SLC1A2: variants seen among roughly 807,000 people sequenced by gnomAD.
SLC1A2 encodes the protein solute carrier family 1 member 2.
SLC1A2 carries 15 observed loss-of-function variants against 48.8 expected under a neutral mutation model. The ratio of observed to expected loss-of-function variants is 0.31; its 90% CI spans 0.21 to 0.47. The LOEUF (loss-of-function observed/expected upper bound fraction) is 0.47, where lower values mean the gene tolerates loss of function less well. SLC1A2 is among the 20% of genes least tolerant of loss of function. The pLI, the probability that SLC1A2 is intolerant of heterozygous loss-of-function variation, is 0.99. For synonymous variants in SLC1A2, 279 were observed against 272.6 expected (o/e 1.02, Z -0.23); for missense variants, 502 against 730.5 (o/e 0.69, Z 3.61).
rs72148859 is a variant in SLC1A2 at position 35,258,943 on chromosome 11, TAAAAAAAAA to T, written c.*1942_*1950del. The stretch of plus-strand genomic sequence containing the variant: ...CTGAGCAACAGAGCAAGACTCTGTC[TAAAAAAAAA>T]AAAAAAAAAAGAATGCATTTTCTAC... On this transcript the variant is annotated 3_prime_UTR_variant, in exon 11 of 11. Coordinates refer to ENST00000278379, the MANE Select transcript of SLC1A2 (RefSeq NM_004171.4). 1 of 120,846 alleles carries T rather than the reference TAAAAAAAAA, an allele frequency of 8.3e-6. No individual in the cohort carries two copies. Among genetic ancestry groups the T allele is most frequent in the East Asian group, 2.3e-4 (1 of 4,300 alleles). The allele number at this position is 120,846 out of a possible 1,614,324, so 7.5% of individuals were successfully genotyped here.
At chr11:35,401,435 A>G (rs1855137562) in intron 1 of SLC1A2, among the ~76,000 whole-genome samples, 1 of 152,138 alleles carries the variant, frequency 6.6e-6, no homozygotes, top group Non-Finnish European at 1.5e-5. Context: ...CTTTTTTGTC[A>G]GTCTTAAGGT....
At chr11:35,265,938 G>A (rs979388945) in intron 9 of SLC1A2, among the ~76,000 whole-genome samples, 180 bp from the exon 10 acceptor site, 1 of 152,202 alleles carries the variant, frequency 6.6e-6, no homozygotes, top group African/African-American at 2.4e-5. Flanking sequence ...GTCAGTTGGA[G>A]GTGATGCTTA....
chr11:35,417,703 GACAAGAT>G (rs1855652726), intron 1 of SLC1A2, among the ~76,000 whole-genome samples: 1 of 152,190 alleles, frequency 6.6e-6, no homozygotes. Flanking sequence ...TTCATGCAAT[GACAAGAT>G]GCCAGATGCC....
intron 1 of SLC1A2, chr11:35,390,780 C>A: frequency 6.6e-6 from 1 of 152,034 alleles, no homozygotes; most frequent in Non-Finnish European, 1.5e-5. Context: ...ATTCTCCTGC[C>A]TCAGTCTCCA....
intron 7 of SLC1A2, among the ~76,000 whole-genome samples, chr11:35,287,389 T>C (rs532972513): frequency 6.6e-5 from 10 of 152,082 alleles, no homozygotes; most frequent in African/African-American, 2.4e-4. Context: ...ATGCTAGAAA[T>C]GCTGTTTCCG....
At chr11:35,319,170 G>A (rs1001631247) in intron 1 of SLC1A2, among the ~76,000 whole-genome samples, 2 of 152,184 alleles carry the variant, frequency 1.3e-5, no homozygotes, top group African/African-American at 4.8e-5. Context: ...GCAGTTGGGT[G>A]AGGGCCTTTC....
chr11:35,262,513 G>A (rs752006332), intron 10 of SLC1A2, among the ~76,000 whole-genome samples: 6 of 152,226 alleles, frequency 3.9e-5, no homozygotes, highest in South Asian at 4.1e-4. Flanking sequence ...GGCATTGGCA[G>A]CAAGCGCTGA....
chr11:35,301,697 T>TTTCTCCCTCATTCTTTACCATTCCC, intron 5 of SLC1A2, 52 bp from the exon 6 acceptor site: 1 of 1,573,464 alleles, frequency 6.4e-7, no homozygotes, highest in Admixed American at 1.7e-5. Context: ...AAATGTACTT[T>TTTCTCCCTCATTCTTTACCATTCCC]TTCTCCCTCA....
chr11:35,398,086 A>G (rs1312446383), intron 1 of SLC1A2, among the ~76,000 whole-genome samples: 1 of 152,204 alleles, frequency 6.6e-6, no homozygotes, highest in Non-Finnish European at 1.5e-5. Flanking sequence ...CCTCAGGATA[A>G]CAAGGGGACT....
chr11:35,368,233 A>G (rs1162956698), intron 1 of SLC1A2, among the ~76,000 whole-genome samples: 1 of 152,238 alleles, frequency 6.6e-6, no homozygotes, highest in Admixed American at 6.5e-5. Context: ...GTAAAGCTAT[A>G]TGATTTCCCT....
chr11:35,325,780 T>C (rs1852223664), intron 1 of SLC1A2, among the ~76,000 whole-genome samples: 1 of 151,850 alleles, frequency 6.6e-6, no homozygotes. Context: ...CTGGCCAACA[T>C]AGTGAAACCC....
At chr11:35,389,371 G>A (rs1050478159) in intron 1 of SLC1A2, among the ~76,000 whole-genome samples, 5 of 151,060 alleles carry the variant, frequency 3.3e-5, no homozygotes, top group Non-Finnish European at 5.9e-5. Flanking sequence ...CCTCATTCTC[G>A]TTCCAAAACT....
At chr11:35,292,987 G>GAC (rs1404048028) in intron 6 of SLC1A2, among the ~76,000 whole-genome samples, 3 of 101,234 alleles carry the variant, frequency 3.0e-5, no homozygotes, top group Admixed American at 1.1e-4. Flanking sequence ...ATGAGAGAGA[G>GAC]ACAGAGAGAG....
intron 4 of SLC1A2, among the ~76,000 whole-genome samples, chr11:35,310,752 C>A (rs1851661596): frequency 6.6e-6 from 1 of 152,048 alleles, no homozygotes; most frequent in South Asian, 2.1e-4. Flanking sequence ...CCTATGCTGG[C>A]CTTGGGGCTA....
intron 9 of SLC1A2, among the ~76,000 whole-genome samples, chr11:35,268,761 C>T (rs1850180683): frequency 6.6e-6 from 1 of 152,096 alleles, no homozygotes; most frequent in Non-Finnish European, 1.5e-5. Flanking sequence ...TAATATTATT[C>T]GTATTTACTA....
intron 1 of SLC1A2, among the ~76,000 whole-genome samples, chr11:35,326,043 C>A (rs1852239096): frequency 6.6e-6 from 1 of 151,368 alleles, no homozygotes; most frequent in South Asian, 2.1e-4. Flanking sequence ...AGCATCACAG[C>A]AGGTCTGGTT....
intron 1 of SLC1A2, among the ~76,000 whole-genome samples, chr11:35,333,396 G>A (rs915171961): frequency 6.8e-6 from 1 of 146,742 alleles, no homozygotes; most frequent in Non-Finnish European, 1.5e-5. Context: ...CAGCCTGGGT[G>A]ACAGAATGAG....
chr11:35,402,242 A>G (rs1420842336), intron 1 of SLC1A2, among the ~76,000 whole-genome samples: 1 of 152,198 alleles, frequency 6.6e-6, no homozygotes, highest in Admixed American at 6.5e-5. Context: ...TAAGGATTAG[A>G]ACTTTCAGTG....
At chr11:35,410,620 T>C (rs140935298) in intron 1 of SLC1A2, among the ~76,000 whole-genome samples, 3 of 152,296 alleles carry the variant, frequency 2.0e-5, no homozygotes, top group Non-Finnish European at 4.4e-5. Context: ...GGCATGTTGA[T>C]AAGTGACAGC....
Sources: gnomAD v4.1 joint callset for allele counts (sites outside exome capture counted in the v4.1 genomes callset) on GRCh38, gnomAD v4.1.1 for gene constraint, MANE v1.5 for transcripts, NCBI Gene and HGNC (gene_info 2026-07-23, HGNC 2026-07-21) for gene names.